PDIA5: variants seen among roughly 807,000 people sequenced by gnomAD.
PDIA5 encodes the protein protein disulfide-isomerase A5.
In PDIA5, 58 loss-of-function variants were observed where a neutral mutation model predicts 77.6. The ratio of observed to expected loss-of-function variants is 0.75; its 90% CI spans 0.61 to 0.93. The LOEUF is 0.93. PDIA5 is among the 40% of genes least tolerant of loss of function. The pLI is 0.00. For missense variants in PDIA5, 630 were observed against 647.7 expected, an observed-to-expected ratio of 0.97 and a Z score of 0.30; for synonymous variants, 250 against 252.1, an observed-to-expected ratio of 0.99 and a Z score of 0.08.
At chr3:123,139,705 C>T (rs969507144) in intron 11 of PDIA5, among the ~76,000 whole-genome samples, 17 of 152,102 alleles carry the variant, frequency 1.1e-4, no homozygotes, top group African/African-American at 3.4e-4. Context: ...GTCAAATTAA[C>T]GACTATTTGA....
chr3:123,138,543 A>G (rs919511330), intron 11 of PDIA5, among the ~76,000 whole-genome samples: 1 of 152,216 alleles, frequency 6.6e-6, no homozygotes, highest in Non-Finnish European at 1.5e-5. Flanking sequence ...ATAGGAACCT[A>G]GAAGTAAAAT....
At chr3:123,081,804 G>C (rs115149562) in intron 1 of PDIA5, among the ~76,000 whole-genome samples, 1 of 152,206 alleles carries the variant, frequency 6.6e-6, no homozygotes, top group Admixed American at 6.5e-5. Flanking sequence ...GTGCTGGCAC[G>C]CGCCCCAGAG....
chr3:123,112,839 T>C (rs1934897704), intron 7 of PDIA5, among the ~76,000 whole-genome samples: 1 of 152,002 alleles, frequency 6.6e-6, no homozygotes, highest in South Asian at 2.1e-4. Flanking sequence ...GAATTACAGG[T>C]GTGAACCACC....
At chr3:123,084,486 A>C (rs1176840157) in intron 1 of PDIA5, among the ~76,000 whole-genome samples, 1 of 147,920 alleles carries the variant, frequency 6.8e-6, no homozygotes, top group East Asian at 2.0e-4. Flanking sequence ...CTCCTCCCTC[A>C]CTGAGGGTGT....
chr3:123,120,565 G>A (rs1397045119), intron 8 of PDIA5, among the ~76,000 whole-genome samples: 1 of 152,222 alleles, frequency 6.6e-6, no homozygotes, highest in African/African-American at 2.4e-5. Flanking sequence ...TCTTATTACA[G>A]TCTACCTTCC....
intron 1 of PDIA5, among the ~76,000 whole-genome samples, chr3:123,072,582 C>T (rs1046266789): frequency 6.6e-6 from 1 of 152,188 alleles, no homozygotes; most frequent in African/African-American, 2.4e-5. Context: ...CTCCTTGCCT[C>T]CTCTCTGCCA....
At chr3:123,132,541 C>T (rs773446514) in intron 11 of PDIA5, among the ~76,000 whole-genome samples, 6 of 152,192 alleles carry the variant, frequency 3.9e-5, no homozygotes, top group African/African-American at 7.2e-5. Context: ...CCTGATGAAG[C>T]GCAATGAAGG....
intron 10 of PDIA5, among the ~76,000 whole-genome samples, chr3:123,127,947 C>T (rs910074739): frequency 1.3e-5 from 2 of 152,194 alleles, no homozygotes; most frequent in Non-Finnish European, 2.9e-5. Flanking sequence ...GCCCAGTCTT[C>T]AAGGAGCTCA....
At chr3:123,089,082 C>T (rs913512842) in intron 1 of PDIA5, 86 bp from the exon 2 acceptor site, 1 of 1,350,792 alleles carries the variant, frequency 7.4e-7, no homozygotes, top group African/African-American at 1.4e-5. Flanking sequence ...AGTAAAGCAG[C>T]TCTAGGCAGC....
At chr3:123,155,596 G>C (rs1019568888) in intron 15 of PDIA5, among the ~76,000 whole-genome samples, 1 of 152,248 alleles carries the variant, frequency 6.6e-6, no homozygotes, top group Non-Finnish European at 1.5e-5. Flanking sequence ...CTTCTGCTGG[G>C]AGAGGGCTTG....
rs1485387884 is a variant in PDIA5, at chr3:123,145,607, C to G, written c.981+15C>G. 6.3e-7 allele frequency: 1 copy of G among 1,593,020 alleles called. No individual in the cohort carries two copies. The highest frequency in any genetic ancestry group is 8.6e-7 in the Non-Finnish European group (1 of 1,160,884). On this transcript the variant is annotated intron_variant, in intron 12 of 16. Transcript: ENST00000316218. ...GAGAAGCGGATGTAAGCTTCCTTTC[C>G]TTCCCCCTCACCGTTCTCTTTGAAA... is the stretch of plus-strand genomic sequence containing the variant.
At chr3:123,097,590 T>C (rs1934474578) in intron 3 of PDIA5, among the ~76,000 whole-genome samples, 1 of 152,168 alleles carries the variant, frequency 6.6e-6, no homozygotes, top group South Asian at 2.1e-4. Flanking sequence ...TCTCTCTCAT[T>C]GTCTCCTGCC....
At chr3:123,072,836 T>C (rs1055986395) in intron 1 of PDIA5, among the ~76,000 whole-genome samples, 1 of 152,050 alleles carries the variant, frequency 6.6e-6, no homozygotes, top group African/African-American at 2.4e-5. Flanking sequence ...AATGAATGCA[T>C]GGGGTATAAG....
intron 1 of PDIA5, among the ~76,000 whole-genome samples, chr3:123,087,493 C>G (rs1934172702): frequency 6.8e-6 from 1 of 147,786 alleles, no homozygotes; most frequent in South Asian, 2.1e-4. Context: ...AATTCTACTT[C>G]CAACCCTAAT....
chr3:123,125,036 G>A (rs945008850), intron 10 of PDIA5, among the ~76,000 whole-genome samples: 2 of 152,094 alleles, frequency 1.3e-5, no homozygotes, highest in African/African-American at 4.8e-5. Flanking sequence ...AGCCTCCACT[G>A]TGCTAGGCCT....
rs1254573702 is a variant in PDIA5, at chr3:123,092,360, G to A, written c.175G>A (p.Ala59Thr). ...TTTTTGTTTTTTTTTTACAGAGGTG[G>A]CAGCTGAAAATCATCTCAGGTTACT... ...VLVLYSKSEVAAENHLRLLST... is the reference protein window; with the variant it reads ...VLVLYSKSEVTAENHLRLLST... Residue 59 changes from alanine (A) to threonine (T), a missense_variant, in exon 3 of 17, where the codon GCA becomes ACA. Coordinates refer to ENST00000316218, the MANE Select transcript of PDIA5 (RefSeq NM_006810.4). 1.9e-6 allele frequency: 3 copies of A among 1,613,162 alleles called. No homozygotes were observed. The highest frequency in any genetic ancestry group is 1.1e-5 in the South Asian group (1 of 91,060).
chr3:123,095,775 G>T (rs1576440291), intron 3 of PDIA5, among the ~76,000 whole-genome samples: 1 of 151,080 alleles, frequency 6.6e-6, no homozygotes, highest in East Asian at 1.9e-4. Context: ...AAAAGTACAG[G>T]GTGCAGTGCA....
At position 123,094,361 on chromosome 3, in the gene PDIA5, G is replaced by T. The variant is rs572662380; in HGVS notation, c.257+1919G>T. 4.6e-5 allele frequency among the ~76,000 whole-genome samples: 7 copies of T among 152,326 alleles called. No homozygotes were observed. The South Asian group carries it at 1.2e-3, about 27-fold the overall frequency. On this transcript the variant is annotated intron_variant, in intron 3 of 16. Coordinates refer to ENST00000316218, the MANE Select transcript of PDIA5 (RefSeq NM_006810.4). Reference sequence around the variant, plus strand: ...GTGTGAGTTTGAAATTAGAGTCAGGGTGCAATCTTTCTGGAGTAGCCCAAG... The same window carrying T: ...GTGTGAGTTTGAAATTAGAGTCAGGTTGCAATCTTTCTGGAGTAGCCCAAG...
chr3:123,117,394 A>ATATATATATATATATATG (rs1454241414), intron 8 of PDIA5, among the ~76,000 whole-genome samples: 1 of 137,456 alleles, frequency 7.3e-6, no homozygotes, highest in Non-Finnish European at 1.6e-5. Context: ...ATATATATAT[A>ATATATATATATATATATG]TATATTCTGT....
Sources: allele counts gnomAD v4.1 joint callset (sites outside exome capture counted in the v4.1 genomes callset), GRCh38; gene constraint gnomAD v4.1.1; transcripts MANE v1.5; gene names NCBI Gene and HGNC (gene_info 2026-07-23, HGNC 2026-07-21).